PLXDC2: variants seen among roughly 807,000 people sequenced by gnomAD.
PLXDC2 encodes plexin domain containing 2.
In PLXDC2, 40 loss-of-function variants were observed where a neutral mutation model predicts 68.9. The ratio of observed to expected loss-of-function variants is 0.58; its 90% CI spans 0.45 to 0.76. PLXDC2 has a LOEUF of 0.76. Among genes scored for constraint, PLXDC2 ranks in the 30% least tolerant of loss-of-function variants. The pLI is 0.00. For synonymous variants in PLXDC2, 243 were observed against 234.2 expected (o/e 1.04, Z -0.34); for missense variants, 644 against 661.9 (o/e 0.97, Z 0.30).
intron 13 of PLXDC2, among the ~76,000 whole-genome samples, chr10:20,263,762 CAAT>C (rs756853862): frequency 3.9e-5 from 6 of 152,190 alleles, no homozygotes; most frequent in African/African-American, 9.6e-5. Flanking sequence ...ATCAAAACAA[CAAT>C]GAGATACCAT....
At chr10:20,199,995 G>A (rs985068677) in intron 9 of PLXDC2, among the ~76,000 whole-genome samples, 11 of 151,828 alleles carry the variant, frequency 7.2e-5, no homozygotes, top group Non-Finnish European at 1.6e-4. Flanking sequence ...TGAAATAATG[G>A]GGTAGCTAGG....
intron 2 of PLXDC2, among the ~76,000 whole-genome samples, chr10:20,034,375 A>G (rs1835546149): frequency 6.6e-6 from 1 of 152,166 alleles, no homozygotes; most frequent in African/African-American, 2.4e-5. Flanking sequence ...ATAATTCTCT[A>G]TGCTGGCATA....
At chr10:19,976,047 C>G (rs1834448273) in intron 1 of PLXDC2, among the ~76,000 whole-genome samples, 1 of 152,092 alleles carries the variant, frequency 6.6e-6, no homozygotes, top group Non-Finnish European at 1.5e-5. Context: ...GTATCTCAGC[C>G]TTTGCATCCC....
At chr10:20,082,929 T>G (rs1267912790) in intron 4 of PLXDC2, among the ~76,000 whole-genome samples, 8 of 147,572 alleles carry the variant, frequency 5.4e-5, no homozygotes. Context: ...TAAATGTTAC[T>G]TACATATATA....
chr10:19,833,942 T>C (rs2131311558), intron 1 of PLXDC2, among the ~76,000 whole-genome samples: 1 of 142,746 alleles, frequency 7.0e-6, no homozygotes. Flanking sequence ...GCATTTCATA[T>C]TTTGCTTTTT....
intron 1 of PLXDC2, among the ~76,000 whole-genome samples, chr10:19,933,179 C>CA (rs144082290): frequency 0.02 from 3,051 of 152,210 alleles, 101 homozygotes; most frequent in African/African-American, 0.07. Context: ...TCTACGTCAG[C>CA]AAAATTATTC....
At chr10:20,258,155 C>T (rs112843308) in intron 13 of PLXDC2, among the ~76,000 whole-genome samples, 2 of 151,844 alleles carry the variant, frequency 1.3e-5, no homozygotes, top group Admixed American at 6.6e-5. Flanking sequence ...GCCTCTGCCA[C>T]CATTCCCAGC....
intron 1 of PLXDC2, among the ~76,000 whole-genome samples, chr10:19,968,645 A>T (rs1834304008): frequency 6.6e-6 from 1 of 152,072 alleles, no homozygotes; most frequent in Non-Finnish European, 1.5e-5. Context: ...TTTGGGGCGG[A>T]GTGTCATTTT....
chr10:19,911,435 C>G (rs1025813723), intron 1 of PLXDC2, among the ~76,000 whole-genome samples: 1 of 152,038 alleles, frequency 6.6e-6, no homozygotes, highest in Admixed American at 6.6e-5. Flanking sequence ...CATTCAAGTT[C>G]TCTAAGGTTA....
rs899186607 is a variant in PLXDC2 at position 19,869,870 on chromosome 10, A to G, written c.112+52679A>G. Among the ~76,000 whole-genome samples the G allele has an allele frequency of 5.3e-5, 8 of 152,072 alleles. 1 individual carries two copies. Among genetic ancestry groups the G allele is most frequent in the Non-Finnish European group, 5.9e-5 (4 of 68,026 alleles). On this transcript the variant is annotated intron_variant, in intron 1 of 13. Transcript: ENST00000377252. ...TATTGGTTAGAAAACAAGTGCAAATATAATTTAGGATTCATTATGGAGGAA... is the reference window on the plus strand; with the variant it reads ...TATTGGTTAGAAAACAAGTGCAAATGTAATTTAGGATTCATTATGGAGGAA...
chr10:19,844,151 G>A (rs16919396), intron 1 of PLXDC2, among the ~76,000 whole-genome samples: 3,838 of 152,248 alleles, frequency 0.025, 156 homozygotes, highest in African/African-American at 0.087. Context: ...TGTTCTCAAC[G>A]TCAATTACCT....
chr10:19,957,702 G>C (rs1834093348), intron 1 of PLXDC2, among the ~76,000 whole-genome samples: 1 of 152,102 alleles, frequency 6.6e-6, no homozygotes, highest in African/African-American at 2.4e-5. Context: ...TTTGTTCACT[G>C]ATTTGATGGG....
chr10:20,074,098 G>A (rs1035741771), intron 4 of PLXDC2, among the ~76,000 whole-genome samples: 18 of 152,046 alleles, frequency 1.2e-4, no homozygotes, highest in African/African-American at 4.3e-4. Context: ...GATAATATGT[G>A]GAATTGTGGG....
At chr10:20,111,483 T>C (rs1188419411) in intron 4 of PLXDC2, among the ~76,000 whole-genome samples, 3 of 152,256 alleles carry the variant, frequency 2.0e-5, no homozygotes, top group African/African-American at 7.2e-5. Flanking sequence ...CCTTGGACCA[T>C]AGGTGTTCTC....
intron 12 of PLXDC2, among the ~76,000 whole-genome samples, chr10:20,238,274 A>T (rs908681807): frequency 1.3e-5 from 2 of 149,898 alleles, no homozygotes; most frequent in East Asian, 3.9e-4. Context: ...ATTTTCCATG[A>T]TTCATGGACT....
In PLXDC2 at chr10:20,147,608, TA is replaced by T. The variant is rs939195329; in HGVS notation, c.665-168del. ...AATATTTAGAGAGTACTCAATCCTTTAAAAAAAATCCCAAATGCTATTTCAA... is the reference window on the plus strand; with the variant it reads ...AATATTTAGAGAGTACTCAATCCTTTAAAAAAATCCCAAATGCTATTTCAA... On this transcript the variant is annotated intron_variant, in intron 5 of 13. Coordinates refer to ENST00000377252, the MANE Select transcript of PLXDC2 (RefSeq NM_032812.9). 1.4e-4 allele frequency among the ~76,000 whole-genome samples: 22 copies of T among 152,156 alleles called. No individual in the cohort carries two copies. The South Asian group carries it at 3.1e-3, about 22-fold the overall frequency.
chr10:19,929,791 A>G (rs1195648156), intron 1 of PLXDC2, among the ~76,000 whole-genome samples: 1 of 152,246 alleles, frequency 6.6e-6, no homozygotes, highest in Non-Finnish European at 1.5e-5. Context: ...GTAAAGGACA[A>G]GAGAATAGTT....
chr10:19,953,538 T>G (rs1310882647), intron 1 of PLXDC2, among the ~76,000 whole-genome samples: 1 of 152,130 alleles, frequency 6.6e-6, no homozygotes, highest in African/African-American at 2.4e-5. Context: ...CTAGCAAAAA[T>G]ACCAATCCTG....
chr10:20,185,426 A>G (rs1490964753), intron 9 of PLXDC2, among the ~76,000 whole-genome samples: 5 of 151,956 alleles, frequency 3.3e-5, no homozygotes, highest in Non-Finnish European at 7.4e-5. Flanking sequence ...GGCAGCTTCC[A>G]TGCTCATCCT....
Sources: gnomAD v4.1 joint callset for allele counts (sites outside exome capture counted in the v4.1 genomes callset) on GRCh38, gnomAD v4.1.1 for gene constraint, MANE v1.5 for transcripts, NCBI Gene and HGNC (gene_info 2026-07-23, HGNC 2026-07-21) for gene names.